Variants in ABCC4 observed in about 807,000 individuals in gnomAD.
The protein encoded by ABCC4 is ATP-binding cassette sub-family C member 4.
A neutral mutation model predicts 168.5 loss-of-function variants in ABCC4; 102 were observed. That is an observed-to-expected ratio of 0.61 (90% CI 0.52 to 0.71). The LOEUF is 0.71. Among genes scored for constraint, ABCC4 ranks in the 30% least tolerant of loss-of-function variants. The probability of loss-of-function intolerance (pLI) is 0.00; values close to 1 mark genes in which losing one functional copy is unlikely to be tolerated. For missense variants in ABCC4, 1,402 were observed against 1,605.8 expected (o/e 0.87, Z 2.17); for synonymous variants, 617 against 590.7 (o/e 1.04, Z -0.65).
At chr13:95,183,858 G>A (rs150809015) in intron 11 of ABCC4, among the ~76,000 whole-genome samples, 130 of 152,244 alleles carry the variant, frequency 8.5e-4, no homozygotes, top group African/African-American at 3.0e-3. Flanking sequence ...AGGTTGCAAT[G>A]AGGCGAGATT....
At chr13:95,196,153 A>G (rs2038408666) in intron 8 of ABCC4, among the ~76,000 whole-genome samples, 1 of 152,152 alleles carries the variant, frequency 6.6e-6, no homozygotes, top group African/African-American at 2.4e-5. Flanking sequence ...GAGAAGCTAC[A>G]GTGGCTTAGA....
chr13:95,060,028 C>T (rs549231460), intron 26 of ABCC4, among the ~76,000 whole-genome samples: 1 of 152,352 alleles, frequency 6.6e-6, no homozygotes, highest in Admixed American at 6.5e-5. Context: ...TTAGAAGATG[C>T]TCTGAAAGAT....
intron 1 of ABCC4, among the ~76,000 whole-genome samples, chr13:95,298,041 C>T (rs1156513215): frequency 6.6e-6 from 1 of 152,144 alleles, no homozygotes; most frequent in East Asian, 1.9e-4. Flanking sequence ...GTAATCCCAG[C>T]ATTTTTGGAG....
intron 4 of ABCC4, among the ~76,000 whole-genome samples, chr13:95,217,152 CTG>C (rs1425181726): frequency 1.3e-5 from 2 of 152,174 alleles, no homozygotes; most frequent in Non-Finnish European, 2.9e-5. Flanking sequence ...TACAAGAAAA[CTG>C]TACTATCTAG....
rs147461937 is a variant in ABCC4, at chr13:95,094,212, G to A, written c.2536-10922C>T. 1.7e-3 allele frequency among the ~76,000 whole-genome samples: 265 copies of A among 151,824 alleles called. 1 individual carries two copies. In the East Asian group the frequency reaches 0.027, roughly 16 times the overall value. On this transcript the variant is annotated intron_variant, in intron 20 of 30. Coordinates refer to ENST00000645237, the MANE Select transcript of ABCC4 (RefSeq NM_005845.5). The stretch of plus-strand genomic sequence containing the variant: ...TTCACATGGAACCAAAAAAGAGCCC[G>A]CAGAGCCAAAGCAAGACTAATCAAA...
intron 20 of ABCC4, among the ~76,000 whole-genome samples, chr13:95,099,214 C>A (rs1943161138): frequency 6.6e-6 from 1 of 152,078 alleles, no homozygotes; most frequent in African/African-American, 2.4e-5. Flanking sequence ...CTGAAACATA[C>A]ACAGAACTCA....
At chr13:95,065,950 T>G (rs527809137) in intron 25 of ABCC4, among the ~76,000 whole-genome samples, 59 of 152,304 alleles carry the variant, frequency 3.9e-4, no homozygotes, top group Non-Finnish European at 7.2e-4. Flanking sequence ...TTTCTCAGAT[T>G]AAACTTCCGA....
At chr13:95,258,740 C>T (rs1179038027) in intron 1 of ABCC4, among the ~76,000 whole-genome samples, 1 of 152,090 alleles carries the variant, frequency 6.6e-6, no homozygotes, top group Admixed American at 6.5e-5. Context: ...CATCTGGGGC[C>T]CAGCAACCCT....
rs746088182 is a variant in ABCC4, at chr13:95,144,529, CT to C, written c.2455+16659del. On this transcript the variant is annotated intron_variant, in intron 19 of 30. Coordinates refer to ENST00000645237, the MANE Select transcript of ABCC4 (RefSeq NM_005845.5). Reference sequence around the variant, plus strand: ...ATTCTCTGCCCAACAGCTCCCAGATCTGATAAACAACTTCAGCAAAGTTACG... The same window carrying C: ...ATTCTCTGCCCAACAGCTCCCAGATCGATAAACAACTTCAGCAAAGTTACG... Among the ~76,000 whole-genome samples the C allele has an allele frequency of 1.1e-3, 173 of 152,304 alleles. 4 individuals carry two copies. Among genetic ancestry groups the C allele is most frequent in the Admixed American group, 5.2e-4 (8 of 15,292 alleles).
intron 19 of ABCC4, among the ~76,000 whole-genome samples, chr13:95,139,334 A>G (rs1328441710): frequency 6.6e-6 from 1 of 152,218 alleles, no homozygotes; most frequent in African/African-American, 2.4e-5. Context: ...AGGTCACCAA[A>G]CGTTGATGTC....
intron 14 of ABCC4, among the ~76,000 whole-genome samples, chr13:95,167,435 G>T (rs57377094): frequency 0.012 from 1,867 of 152,186 alleles, 28 homozygotes; most frequent in African/African-American, 0.043. Flanking sequence ...AATCAAAGGA[G>T]AGCAGCTCCT....
chr13:95,235,216 T>C (rs1346378493), intron 3 of ABCC4, among the ~76,000 whole-genome samples: 1 of 152,188 alleles, frequency 6.6e-6, no homozygotes, highest in African/African-American at 2.4e-5. Context: ...ACAAGTTTTA[T>C]ATTTTCAAAG....
In ABCC4 at chr13:95,269,425, C is replaced by CAAA. The variant is rs757748531; in HGVS notation, c.75-21675_75-21673dup. 1.4e-3 allele frequency: 251 copies of CAAA among 178,162 alleles called. 1 individual carries two copies. Among genetic ancestry groups the CAAA allele is most frequent in the Middle Eastern group, 4.0e-3 (2 of 506 alleles). The allele number at this position is 178,162 out of a possible 1,614,324, so 11.0% of individuals were successfully genotyped here. A position where few individuals can be genotyped will look rare whatever the true frequency, so the allele number is the denominator to read the frequency against. On this transcript the variant is annotated intron_variant, in intron 1 of 30. Coordinates refer to ENST00000645237, the MANE Select transcript of ABCC4 (RefSeq NM_005845.5). ...TGGGTGACACAGCGAGACTCCATCTCAAAAAAAAAATATATATATATATAT... is the reference window on the plus strand; with the variant it reads ...TGGGTGACACAGCGAGACTCCATCTCAAAAAAAAAAAAATATATATATATATAT...
intron 19 of ABCC4, among the ~76,000 whole-genome samples, chr13:95,125,586 A>C (rs1035903681): frequency 1.3e-5 from 2 of 152,232 alleles, no homozygotes; most frequent in African/African-American, 4.8e-5. Flanking sequence ...TAAAAGGCAG[A>C]ATTAATTAGG....
At chr13:95,213,563 T>G (rs1271496550) in intron 4 of ABCC4, among the ~76,000 whole-genome samples, 2 of 152,162 alleles carry the variant, frequency 1.3e-5, no homozygotes, top group Non-Finnish European at 2.9e-5. Context: ...GGCTGAGTGC[T>G]GACCGAAGAT....
At chr13:95,196,582 GAGGAAGGAAGGAAGGAAGGAAGGA>G (rs1566515189) in intron 8 of ABCC4, among the ~76,000 whole-genome samples, 4 of 88,104 alleles carry the variant, frequency 4.5e-5, no homozygotes, top group South Asian at 4.1e-4. Flanking sequence ...AGGAGGAAAG[GAGGAAGGAAGGAAGGAAGGAAGGA>G]AGGAAGGAAG....
intron 30 of ABCC4, among the ~76,000 whole-genome samples, chr13:95,029,988 T>TATCTATCCATCTATCC (rs1555302414): frequency 6.8e-6 from 1 of 146,326 alleles, no homozygotes; most frequent in Non-Finnish European, 1.5e-5. Flanking sequence ...CTTGTCTATC[T>TATCTATCCATCTATCC]ATCCATCCAT....
At chr13:95,123,579 C>T (rs1251710218) in intron 19 of ABCC4, among the ~76,000 whole-genome samples, 1 of 152,142 alleles carries the variant, frequency 6.6e-6, no homozygotes, top group Non-Finnish European at 1.5e-5. Context: ...CTGGGCTGGT[C>T]TCAAACTCCT....
chr13:95,189,081 G>A (rs2139627835), intron 9 of ABCC4, among the ~76,000 whole-genome samples: 1 of 116,410 alleles, frequency 8.6e-6, no homozygotes, highest in East Asian at 2.8e-4. Flanking sequence ...TATGTGTAAT[G>A]TTCCCCTCCC....
Sources: allele counts gnomAD v4.1 joint callset (sites outside exome capture counted in the v4.1 genomes callset), GRCh38; gene constraint gnomAD v4.1.1; transcripts MANE v1.5; gene names NCBI Gene and HGNC (gene_info 2026-07-23, HGNC 2026-07-21).